Variants in PDE4D observed in about 807,000 individuals in gnomAD.
PDE4D encodes the protein phosphodiesterase 4D.
A neutral mutation model predicts 87.4 loss-of-function variants in PDE4D; 24 were observed. The ratio of observed to expected loss-of-function variants is 0.27; its 90% confidence interval spans 0.20 to 0.39. PDE4D has a LOEUF of 0.39. PDE4D is among the 10% of genes least tolerant of loss of function. PDE4D has a pLI of 1.00. For synonymous variants in PDE4D, 384 were observed against 383.2 expected, an observed-to-expected ratio of 1.00 and a Z score of -0.02; for missense variants, 714 against 1,041.0, an observed-to-expected ratio of 0.69 and a Z score of 4.32.
intron 5 of PDE4D, among the ~76,000 whole-genome samples, chr5:59,141,530 C>T (rs78606421): frequency 1.3e-5 from 2 of 152,152 alleles, no homozygotes; most frequent in Non-Finnish European, 2.9e-5. Context: ...AAGAGCCAAC[C>T]AGGTGAGGCT....
Position 59,307,131 on chromosome 5 carries a change from C to T in PDE4D, c.456-91163G>A, listed in dbSNP as rs1320994010. Among the ~76,000 whole-genome samples, 144 of 108,312 alleles carry T rather than the reference C, an allele frequency of 1.3e-3. 1 individual carries two copies. Among genetic ancestry groups the T allele is most frequent in the Non-Finnish European group, 1.4e-3 (81 of 56,650 alleles). The allele number at this position is 108,312 out of a possible 152,430, so 71.1% of individuals were successfully genotyped here. A position where few individuals can be genotyped will look rare whatever the true frequency, so the allele number is the denominator to read the frequency against. On this transcript the variant is annotated intron_variant, in intron 1 of 14. Coordinates refer to ENST00000340635, the MANE Select transcript of PDE4D (RefSeq NM_001104631.2). ...GGGAAAGGATTCCCTATTTAATAAA[C>T]GGTTCTGGGAAAACTGGCTAGCCAT... is the stretch of plus-strand genomic sequence containing the variant.
At chr5:60,398,859 C>T (rs1312113559) in intron 1 of PDE4D, among the ~76,000 whole-genome samples, 4 of 152,078 alleles carry the variant, frequency 2.6e-5, no homozygotes, top group Non-Finnish European at 5.9e-5. Flanking sequence ...AAATGTGCCC[C>T]AAGTCACACA....
chr5:60,293,099 C>G (rs1000459955), intron 1 of PDE4D, among the ~76,000 whole-genome samples: 3 of 151,654 alleles, frequency 2.0e-5, no homozygotes, highest in African/African-American at 7.3e-5. Context: ...TCTGCCCCCC[C>G]AAGTTCAAGC....
chr5:59,463,404 T>C (rs1801071297), intron 1 of PDE4D, among the ~76,000 whole-genome samples: 1 of 152,162 alleles, frequency 6.6e-6, no homozygotes, highest in Non-Finnish European at 1.5e-5. Flanking sequence ...AAATAAGGTT[T>C]CTTACCAGCG....
At chr5:59,257,359 A>G (rs1190406659) in intron 1 of PDE4D, among the ~76,000 whole-genome samples, 1 of 151,992 alleles carries the variant, frequency 6.6e-6, no homozygotes, top group African/African-American at 2.4e-5. Flanking sequence ...CTTTCCAGTA[A>G]GAATATCAGT....
At chr5:59,192,699 A>C (rs1744609764) in intron 3 of PDE4D, among the ~76,000 whole-genome samples, 1 of 152,208 alleles carries the variant, frequency 6.6e-6, no homozygotes, top group Non-Finnish European at 1.5e-5. Context: ...AACCTGCTTC[A>C]TGCCCCAGGT....
At chr5:58,976,233 T>C (rs1743748423) in intron 13 of PDE4D, 117 bp downstream of exon 13, 4 of 1,124,770 alleles carry the variant, frequency 3.6e-6, no homozygotes, top group East Asian at 5.5e-5. Flanking sequence ...CTGCCTACAA[T>C]TGCTGAAAGT....
intron 1 of PDE4D, among the ~76,000 whole-genome samples, chr5:59,649,056 A>G (rs1284260498): frequency 1.3e-5 from 2 of 152,216 alleles, no homozygotes; most frequent in Non-Finnish European, 2.9e-5. Flanking sequence ...CTACGATTCT[A>G]TGATTTATTA....
In PDE4D at chr5:60,019,454, G is replaced by C. The variant is rs538964574; in HGVS notation, c.43-30737C>G. On this transcript the variant is annotated intron_variant, in intron 2 of 16. Coordinates refer to the PDE4D transcript ENST00000502484. ...AGTCCTAGGTGACATCTCTTCCAAT[G>C]TAAGGCTGTTTCCTCCACATTGAAA... is the stretch of plus-strand genomic sequence containing the variant. 2.0e-5 allele frequency among the ~76,000 whole-genome samples: 3 copies of C among 152,218 alleles called. No individual in the cohort carries two copies. The South Asian group carries it at 6.2e-4, about 32-fold the overall frequency.
At chr5:60,156,505 A>T (rs1430101283) in intron 2 of PDE4D, among the ~76,000 whole-genome samples, 1 of 152,210 alleles carries the variant, frequency 6.6e-6, no homozygotes, top group Non-Finnish European at 1.5e-5. Context: ...ATACTAGACT[A>T]TATTCATTTC....
chr5:59,781,410 C>A (rs1328610673), intron 1 of PDE4D, among the ~76,000 whole-genome samples: 1 of 152,032 alleles, frequency 6.6e-6, no homozygotes, highest in Non-Finnish European at 1.5e-5. Flanking sequence ...GTGCTACTTA[C>A]AATTTAATGG....
intron 1 of PDE4D, among the ~76,000 whole-genome samples, chr5:60,434,086 AG>A (rs1744576137): frequency 6.6e-6 from 1 of 152,184 alleles, no homozygotes; most frequent in Non-Finnish European, 1.5e-5. Flanking sequence ...TAAAAAAAAA[AG>A]ATTTCAGAGG....
intron 1 of PDE4D, among the ~76,000 whole-genome samples, chr5:60,418,184 CA>C (rs942222530): frequency 5.9e-5 from 9 of 151,758 alleles, no homozygotes; most frequent in Non-Finnish European, 8.8e-5. Flanking sequence ...GGAAAAAAAA[CA>C]AGAAAGAAAG....
chr5:59,798,253 C>A (rs1766717804), intron 1 of PDE4D, among the ~76,000 whole-genome samples: 1 of 84,518 alleles, frequency 1.2e-5, no homozygotes, highest in Non-Finnish European at 2.3e-5. Context: ...TATATAAATG[C>A]CTGTGTGTGT....
intron 1 of PDE4D, among the ~76,000 whole-genome samples, chr5:59,519,009 T>TGTTAGAGA (rs1465277625): frequency 1.3e-5 from 2 of 152,220 alleles, no homozygotes; most frequent in African/African-American, 4.8e-5. Context: ...TGTTAATAAG[T>TGTTAGAGA]GTTAGAGACT....
rs141284659 is a variant in PDE4D, at chr5:60,278,354, AT to A, written c.-89-92668del. ...TTTCAAGATTTTCTTTGTGTCTTTC[AT>A]TTTTGAAAGTTTAATTATGAAATGG... On this transcript the variant is annotated intron_variant, in intron 1 of 16. Coordinates refer to the PDE4D transcript ENST00000502484. Among the ~76,000 whole-genome samples, 642 of 152,206 alleles carry A rather than the reference AT, an allele frequency of 4.2e-3. 10 individuals are homozygous for A. The highest frequency in any genetic ancestry group is 0.015 in the African/African-American group (609 of 41,538).
At chr5:59,057,490 T>A (rs1214451688) in intron 5 of PDE4D, among the ~76,000 whole-genome samples, 2 of 152,208 alleles carry the variant, frequency 1.3e-5, no homozygotes, top group Non-Finnish European at 2.9e-5. Flanking sequence ...CTAAAGTCAC[T>A]ATGATGATGA....
intron 1 of PDE4D, among the ~76,000 whole-genome samples, chr5:59,425,014 T>C (rs1467809910): frequency 1.3e-5 from 2 of 152,222 alleles, no homozygotes; most frequent in Admixed American, 6.5e-5. Flanking sequence ...TATTTGATCA[T>C]TTATTCAGCT....
intron 1 of PDE4D, among the ~76,000 whole-genome samples, chr5:59,401,863 A>G (rs2153614495): frequency 6.6e-6 from 1 of 152,338 alleles, no homozygotes; most frequent in Non-Finnish European, 1.5e-5. Flanking sequence ...CCTGTCTTTC[A>G]GGAAGCCTGG....
Sources: allele counts gnomAD v4.1 joint callset (sites outside exome capture counted in the v4.1 genomes callset), GRCh38; gene constraint gnomAD v4.1.1; transcripts MANE v1.5; gene names NCBI Gene and HGNC (gene_info 2026-07-23, HGNC 2026-07-21).